ADGRL3: variants seen among roughly 807,000 people sequenced by gnomAD.
ADGRL3 encodes the protein adhesion G protein-coupled receptor L3.
In ADGRL3, 62 loss-of-function variants were observed where a neutral mutation model predicts 153.5. The ratio of observed to expected loss-of-function variants is 0.40; its 90% CI spans 0.33 to 0.50. The LOEUF (loss-of-function observed/expected upper bound fraction) is 0.50, where lower values mean the gene tolerates loss of function less well. ADGRL3 is among the 20% of genes least tolerant of loss of function. The pLI is 0.47. For missense variants in ADGRL3, 1,641 were observed against 1,859.4 expected (o/e 0.88, Z 2.16); for synonymous variants, 710 against 672.5 (o/e 1.06, Z -0.86).
intron 5 of ADGRL3, among the ~76,000 whole-genome samples, chr4:61,637,928 A>T (rs2093497759): frequency 6.6e-6 from 1 of 152,226 alleles, no homozygotes; most frequent in Admixed American, 6.5e-5. Context: ...CATTACAATA[A>T]TTGCATTGAA....
intron 9 of ADGRL3, among the ~76,000 whole-genome samples, chr4:61,865,149 G>A (rs536693327): frequency 2.0e-5 from 3 of 152,224 alleles, no homozygotes; most frequent in Admixed American, 1.3e-4. Context: ...AGAATAAAAT[G>A]AGTATTTTCA....
intron 1 of ADGRL3, among the ~76,000 whole-genome samples, chr4:61,336,374 A>T (rs760238385): frequency 6.6e-6 from 1 of 152,108 alleles, no homozygotes; most frequent in Non-Finnish European, 1.5e-5. Context: ...CTCCATATGG[A>T]TTGCAAATAC....
In ADGRL3 at chr4:61,790,430, G is replaced by A. The variant is rs143223124; in HGVS notation, c.1400-23379G>A. Among the ~76,000 whole-genome samples the A allele has an allele frequency of 6.8e-3, 1,034 of 152,112 alleles. 20 individuals are homozygous for A. In the East Asian group the frequency reaches 0.069, roughly 10 times the overall value. ...CTGTGGATGATACCAAAGCTTATAT[G>A]CATGCTTTTTCCTAATCATACATAT... On this transcript the variant is annotated intron_variant, in intron 8 of 26. Transcript: ENST00000683033.
intron 1 of ADGRL3, among the ~76,000 whole-genome samples, chr4:61,288,034 G>GA (rs1432203684): frequency 2.0e-5 from 3 of 151,688 alleles, no homozygotes; most frequent in Non-Finnish European, 4.4e-5. Flanking sequence ...CAGTGTATTG[G>GA]AAAAAATGAA....
At chr4:61,757,060 G>A (rs865868981) in intron 8 of ADGRL3, among the ~76,000 whole-genome samples, 2 of 152,226 alleles carry the variant, frequency 1.3e-5, no homozygotes, top group Middle Eastern at 3.4e-3. Flanking sequence ...ATGTTCATCA[G>A]AGATATTGGT....
chr4:61,930,395 C>A (rs2098813019), intron 13 of ADGRL3, among the ~76,000 whole-genome samples: 1 of 152,084 alleles, frequency 6.6e-6, no homozygotes, highest in African/African-American at 2.4e-5. Flanking sequence ...TTTGTGTATT[C>A]TTCCTGAGAA....
rs551072758 is a variant in ADGRL3 at position 61,516,818 on chromosome 4, C to G, written c.56-497C>G. 4.1e-3 allele frequency among the ~76,000 whole-genome samples: 618 copies of G among 152,142 alleles called. 3 individuals carry two copies. Among genetic ancestry groups the G allele is most frequent in the Non-Finnish European group, 5.6e-3 (384 of 67,994 alleles). ...AATCCATATAAGTGTAACCATACATCAAACAAAACAAATAAACAAACAAAA... is the reference window on the plus strand; with the variant it reads ...AATCCATATAAGTGTAACCATACATGAAACAAAACAAATAAACAAACAAAA... On this transcript the variant is annotated intron_variant, in intron 3 of 26. Transcript: ENST00000683033.
chr4:61,607,823 C>G (rs546645457), intron 5 of ADGRL3, among the ~76,000 whole-genome samples: 42 of 152,198 alleles, frequency 2.8e-4, no homozygotes, highest in Non-Finnish European at 4.4e-4. Context: ...AGGAAGAGAT[C>G]AGTTTTAGGG....
intron 1 of ADGRL3, among the ~76,000 whole-genome samples, chr4:61,262,890 A>G (rs1320463288): frequency 6.6e-6 from 1 of 152,078 alleles, no homozygotes; most frequent in Non-Finnish European, 1.5e-5. Flanking sequence ...TCAACCAGAG[A>G]AGGATATATC....
chr4:61,512,034 A>T (rs1016866817), intron 3 of ADGRL3, among the ~76,000 whole-genome samples: 1 of 152,158 alleles, frequency 6.6e-6, no homozygotes, highest in Non-Finnish European at 1.5e-5. Context: ...ATGCATAAGA[A>T]AGCAGGATTG....
At chr4:61,629,119 A>T (rs763162091) in intron 5 of ADGRL3, among the ~76,000 whole-genome samples, 97 of 152,180 alleles carry the variant, frequency 6.4e-4, no homozygotes, top group South Asian at 1.4e-3. Context: ...TGTCATATAC[A>T]GATGGAGACT....
intron 8 of ADGRL3, among the ~76,000 whole-genome samples, chr4:61,748,552 G>A (rs1048305643): frequency 5.9e-5 from 9 of 152,032 alleles, no homozygotes; most frequent in African/African-American, 1.9e-4. Context: ...CAGAAATAAC[G>A]CTGCATATCT....
chr4:61,425,133 A>G (rs933220029), intron 2 of ADGRL3, among the ~76,000 whole-genome samples: 9 of 152,122 alleles, frequency 5.9e-5, no homozygotes, highest in African/African-American at 2.2e-4. Context: ...TGTGCAGGCT[A>G]TGGTGGGCAA....
At chr4:61,434,201 G>A (rs1326766573) in intron 2 of ADGRL3, among the ~76,000 whole-genome samples, 2 of 151,966 alleles carry the variant, frequency 1.3e-5, no homozygotes, top group Non-Finnish European at 1.5e-5. Context: ...GATTGATGGG[G>A]GCTTCCTTAA....
intron 2 of ADGRL3, among the ~76,000 whole-genome samples, chr4:61,438,972 G>A (rs1037719012): frequency 2.0e-5 from 3 of 151,966 alleles, no homozygotes; most frequent in Admixed American, 1.3e-4. Context: ...CTCCCAAAGT[G>A]CGGTTGTTAC....
At chr4:61,988,095 ATGT>A (rs772203475) in intron 19 of ADGRL3, among the ~76,000 whole-genome samples, 180 of 152,200 alleles carry the variant, frequency 1.2e-3, no homozygotes, top group Middle Eastern at 0.01. Flanking sequence ...TTTCTATGAA[ATGT>A]TGTTAGGGCT....
At chr4:62,043,237 AG>A (rs758806177) in intron 24 of ADGRL3, among the ~76,000 whole-genome samples, 219 of 152,194 alleles carry the variant, frequency 1.4e-3, no homozygotes, top group Non-Finnish European at 2.2e-3. Flanking sequence ...CATCTCCATA[AG>A]GGTCAAGACA....
intron 9 of ADGRL3, among the ~76,000 whole-genome samples, chr4:61,865,455 T>G (rs1354949971): frequency 6.6e-6 from 1 of 152,138 alleles, no homozygotes; most frequent in Non-Finnish European, 1.5e-5. Flanking sequence ...GCACATTCAA[T>G]AAGGAGGATT....
chr4:61,221,566 C>G (rs1019230390), intron 1 of ADGRL3, among the ~76,000 whole-genome samples: 1 of 152,026 alleles, frequency 6.6e-6, no homozygotes, highest in African/African-American at 2.4e-5. Flanking sequence ...TCTGGGTAAC[C>G]AAGTATCATA....
Sources: allele counts gnomAD v4.1 joint callset (sites outside exome capture counted in the v4.1 genomes callset), GRCh38; gene constraint gnomAD v4.1.1; transcripts MANE v1.5; gene names NCBI Gene and HGNC (gene_info 2026-07-23, HGNC 2026-07-21).